STAT4: variants seen among roughly 807,000 people sequenced by gnomAD.
STAT4 encodes the protein signal transducer and activator of transcription 4.
A neutral mutation model predicts 110.5 loss-of-function variants in STAT4; 42 were observed. The ratio of observed to expected loss-of-function variants is 0.38; its 90% CI spans 0.30 to 0.49. The LOEUF (loss-of-function observed/expected upper bound fraction) is 0.49, where lower values mean the gene tolerates loss of function less well. Ranked by LOEUF, STAT4 falls within the 20% of genes least tolerant of loss-of-function variation. The pLI is 0.95. For synonymous variants in STAT4, 284 were observed against 302.2 expected (o/e 0.94, Z 0.63); for missense variants, 632 against 887.9 (o/e 0.71, Z 3.66).
rs200193896 is a variant in STAT4 at position 191,085,451 on chromosome 2, ATG to A, written c.274-9128_274-9127del. On this transcript the variant is annotated intron_variant, in intron 3 of 23. Coordinates refer to ENST00000392320, the MANE Select transcript of STAT4 (RefSeq NM_003151.4). ...TTATATTTATATTATATTTATATTAATGTGTTATTAGTATGTATTCCAAATTG... is the reference window on the plus strand; with the variant it reads ...TTATATTTATATTATATTTATATTAATGTTATTAGTATGTATTCCAAATTG... Among the ~76,000 whole-genome samples the A allele has an allele frequency of 5.2e-3, 785 of 151,588 alleles. 6 individuals carry two copies. The highest frequency in any genetic ancestry group is 0.018 in the African/African-American group (743 of 41,444).
intron 3 of STAT4, among the ~76,000 whole-genome samples, chr2:191,124,155 T>C (rs2125398873): frequency 6.6e-6 from 1 of 152,288 alleles, no homozygotes; most frequent in South Asian, 2.1e-4. Flanking sequence ...CAACTTCTCA[T>C]TTATTAAAAA....
chr2:191,125,976 A>G (rs1042508099), intron 3 of STAT4, among the ~76,000 whole-genome samples: 1 of 152,214 alleles, frequency 6.6e-6, no homozygotes, highest in Non-Finnish European at 1.5e-5. Context: ...ATTTGAAGTT[A>G]TTTGTTTGGA....
chr2:191,151,366 T>C, upstream of STAT4: 2 of 985,708 alleles, frequency 2.0e-6, no homozygotes, highest in Non-Finnish European at 2.4e-6. This position sits in a 1 kb window ranked among gnomAD's most constrained non-coding sequence, Gnocchi z 4.7. Context: ...CCTCTCTCCC[T>C]AGTATAAGGC....
At chr2:191,089,776 T>C (rs944052717) in intron 3 of STAT4, among the ~76,000 whole-genome samples, 1 of 152,208 alleles carries the variant, frequency 6.6e-6, no homozygotes, top group Non-Finnish European at 1.5e-5. Context: ...TTTACATGCA[T>C]ATTACCAAGT....
At chr2:191,137,063 AG>A (rs1448758854) in intron 3 of STAT4, among the ~76,000 whole-genome samples, 2 of 152,124 alleles carry the variant, frequency 1.3e-5, no homozygotes, top group East Asian at 3.9e-4. Context: ...GAAGAGGGCC[AG>A]GTGCGGTGTG....
intron 3 of STAT4, among the ~76,000 whole-genome samples, chr2:191,094,343 G>C (rs545628214): frequency 6.6e-6 from 1 of 152,286 alleles, no homozygotes; most frequent in South Asian, 2.1e-4. Context: ...CAGAGAGAAA[G>C]GTTGGGTTAC....
In STAT4 at chr2:191,034,150, T is replaced by C. The variant is rs370820216; in HGVS notation, c.1621-145A>G. 1,911 of 668,592 alleles carry C rather than the reference T, an allele frequency of 2.9e-3. 8 individuals are homozygous for C. Among genetic ancestry groups the C allele is most frequent in the Middle Eastern group, 0.02 (47 of 2,334 alleles). The allele number at this position is 668,592 out of a possible 1,614,324, so 41.4% of individuals were successfully genotyped here. A position where few individuals can be genotyped will look rare whatever the true frequency, so the allele number is the denominator to read the frequency against. On this transcript the variant is annotated intron_variant, in intron 18 of 23. Transcript: ENST00000392320. ...TTTAAAAAATATTCTTGGCCTGGTG[T>C]GGTGGCTCATGCCTGTAATCCCAGC...
intron 5 of STAT4, among the ~76,000 whole-genome samples, chr2:191,071,720 A>G (rs1271640776): frequency 6.6e-6 from 1 of 152,158 alleles, no homozygotes; most frequent in African/African-American, 2.4e-5. Context: ...TAAGTGGGGG[A>G]ATTACATTGA....
In STAT4 at chr2:191,110,320, G is replaced by A. The variant is rs150969692; in HGVS notation, c.274-33995C>T. Among the ~76,000 whole-genome samples the A allele has an allele frequency of 2.4e-3, 373 of 152,296 alleles. 2 individuals are homozygous for A. The highest frequency in any genetic ancestry group is 8.5e-3 in the African/African-American group (352 of 41,558). On this transcript the variant is annotated intron_variant, in intron 3 of 23. Transcript: ENST00000392320. This position sits in a 1 kb window ranked among gnomAD's most constrained non-coding sequence, Gnocchi z 4.5. The stretch of plus-strand genomic sequence containing the variant: ...TGGGAGGCATATGAAAGTTCCCAGG[G>A]AGGCTAAAGTCTTCAAAATAAGGGA...
chr2:191,045,582 A>G (rs1006095827), intron 14 of STAT4, among the ~76,000 whole-genome samples: 14 of 152,250 alleles, frequency 9.2e-5, no homozygotes, highest in Non-Finnish European at 1.6e-4. Context: ...AAGGAAGGTC[A>G]ACACTAAATA....
Position 191,064,795 on chromosome 2 carries a change from G to A in STAT4, c.782+12C>T. 6 of 1,603,596 alleles carry A rather than the reference G, an allele frequency of 3.7e-6. No homozygotes were observed. The highest frequency in any genetic ancestry group is 4.3e-6 in the Non-Finnish European group (5 of 1,175,968). On this transcript the variant is annotated intron_variant, in intron 8 of 23. Transcript: ENST00000392320. The stretch of plus-strand genomic sequence containing the variant: ...GTGGTTTTCACTAGAAACTGCAGTC[G>A]ATTCGTTTTACCAGTTCTGAAGCTG...
At chr2:191,148,804 A>G (rs904388198) in intron 1 of STAT4, among the ~76,000 whole-genome samples, 1 of 152,164 alleles carries the variant, frequency 6.6e-6, no homozygotes, top group African/African-American at 2.4e-5. Flanking sequence ...AGTTTTTTAA[A>G]TTAAAAATAT....
intron 3 of STAT4, among the ~76,000 whole-genome samples, chr2:191,076,598 A>AAC (rs1697324766): frequency 6.6e-6 from 1 of 151,958 alleles, no homozygotes; most frequent in Non-Finnish European, 1.5e-5. Flanking sequence ...AAAGATCCTG[A>AAC]ACACACACTT....
In STAT4 at chr2:191,113,216, G is replaced by T. The variant is rs933623291; in HGVS notation, c.273+33397C>A. 6.6e-6 allele frequency among the ~76,000 whole-genome samples: 1 copy of T among 152,218 alleles called. No individual in the cohort carries two copies. The highest frequency in any genetic ancestry group is 1.5e-5 in the Non-Finnish European group (1 of 68,038). ...CATTACTGGTGCCACTCATTCATTTGTTCCACAAATTTGTACTGAACAGCA... is the reference window on the plus strand; with the variant it reads ...CATTACTGGTGCCACTCATTCATTTTTTCCACAAATTTGTACTGAACAGCA... On this transcript the variant is annotated intron_variant, in intron 3 of 23. Coordinates refer to ENST00000392320, the MANE Select transcript of STAT4 (RefSeq NM_003151.4). This position sits in a 1 kb window ranked among gnomAD's most constrained non-coding sequence, Gnocchi z 4.8.
chr2:191,062,907 C>A lies in STAT4; in HGVS notation c.796G>T (p.Ala266Ser). Reference protein sequence around the residue: ...DQLQNCFTLLAESLFQLRRQL... With the variant: ...DQLQNCFTLLSESLFQLRRQL... ...CTTCTCAGTTGGAAAAGACTTTCTG[C>A]CAATAGTGTAAAGCTATTGAACAGA... The change falls in exon 9 of 24, where the codon GCA (alanine) becomes TCA (serine). Residue 266 changes from alanine (A) to serine (S), a missense_variant. Coordinates refer to ENST00000392320, the MANE Select transcript of STAT4 (RefSeq NM_003151.4). The surrounding 1 kb of genome is among the most constrained non-coding windows in gnomAD (Gnocchi z 4.9). 1.2e-6 allele frequency: 2 copies of A among 1,613,360 alleles called. No individual in the cohort carries two copies. Among genetic ancestry groups the A allele is most frequent in the Non-Finnish European group, 1.7e-6 (2 of 1,179,678 alleles).
intron 3 of STAT4, among the ~76,000 whole-genome samples, chr2:191,115,817 G>A (rs927728897): frequency 6.6e-6 from 1 of 152,118 alleles, no homozygotes; most frequent in Admixed American, 6.6e-5. Flanking sequence ...GTATTTTCCT[G>A]TATATGTTAT....
At chr2:191,139,176 C>G (rs544247356) in intron 3 of STAT4, among the ~76,000 whole-genome samples, 1 of 151,910 alleles carries the variant, frequency 6.6e-6, no homozygotes, top group Non-Finnish European at 1.5e-5. Context: ...GCATTCCCCC[C>G]GAGAGCTGGA....
chr2:191,036,470 C>T (rs940457656), intron 16 of STAT4, among the ~76,000 whole-genome samples, 171 bp from the exon 17 acceptor site: 2 of 152,110 alleles, frequency 1.3e-5, no homozygotes, highest in African/African-American at 4.8e-5. Context: ...CATAATTGGT[C>T]ACAGCTGGTG....
In STAT4 at chr2:191,147,845, T is replaced by C. The variant is rs1015296293; in HGVS notation, c.128+231A>G. ...AATACATGAAAAATTATTTGGGTTTTTGTTTACAGAGAAAAGAAGCACTGG... is the reference window on the plus strand; with the variant it reads ...AATACATGAAAAATTATTTGGGTTTCTGTTTACAGAGAAAAGAAGCACTGG... On this transcript the variant is annotated intron_variant, in intron 2 of 23. Coordinates refer to ENST00000392320, the MANE Select transcript of STAT4 (RefSeq NM_003151.4). This position sits in a 1 kb window ranked among gnomAD's most constrained non-coding sequence, Gnocchi z 4.1. Among the ~76,000 whole-genome samples, 1 of 152,186 alleles carries C rather than the reference T, an allele frequency of 6.6e-6. No individual in the cohort carries two copies. The highest frequency in any genetic ancestry group is 2.4e-5 in the African/African-American group (1 of 41,440).
Sources: gnomAD v4.1 joint callset for allele counts (sites outside exome capture counted in the v4.1 genomes callset) on GRCh38, gnomAD v4.1.1 for gene constraint, Gnocchi (gnomAD v3.1) non-coding constraint, MANE v1.5 for transcripts, NCBI Gene and HGNC (gene_info 2026-07-23, HGNC 2026-07-21) for gene names.